The following TRAPPC9 variants were observed in gnomAD, a reference collection of about 807,000 sequenced individuals.
TRAPPC9 encodes the protein trafficking protein particle complex subunit 9, also known as IKK2 binding protein.
A neutral mutation model predicts 124.0 loss-of-function variants in TRAPPC9; 83 were observed. The observed-to-expected ratio is 0.67, with a 90% CI of 0.56 to 0.80. The LOEUF (loss-of-function observed/expected upper bound fraction) is 0.80. Ranked by LOEUF, TRAPPC9 falls within the 30% of genes least tolerant of loss-of-function variation. The pLI, the probability that TRAPPC9 is intolerant of heterozygous loss-of-function variation, is 0.00. For synonymous variants in TRAPPC9, 638 were observed against 617.5 expected (o/e 1.03, Z -0.49); for missense variants, 1,302 against 1,508.3 (o/e 0.86, Z 2.27).
At chr8:139,946,710 G>C (rs543727293) in intron 19 of TRAPPC9, among the ~76,000 whole-genome samples, 6 of 151,800 alleles carry the variant, frequency 4.0e-5, no homozygotes, top group Non-Finnish European at 7.4e-5. Context: ...GCCAAGAGCA[G>C]TGGCTCACGC....
rs1563764593 is a variant in TRAPPC9, at chr8:140,104,530, A to G, written c.2557-80451T>C. ...TGATGGCACGATGGGGGGAGCTGTGAACTAGCTAGGGAAACAGATGAAAGA... is the reference window on the plus strand; with the variant it reads ...TGATGGCACGATGGGGGGAGCTGTGGACTAGCTAGGGAAACAGATGAAAGA... On this transcript the variant is annotated intron_variant, in intron 17 of 22. Transcript: ENST00000438773. This position sits in a 1 kb window ranked among gnomAD's most constrained non-coding sequence, Gnocchi z 4.0. 6.6e-6 allele frequency among the ~76,000 whole-genome samples: 1 copy of G among 152,172 alleles called. No homozygotes were observed. The highest frequency in any genetic ancestry group is 1.5e-5 in the Non-Finnish European group (1 of 68,032).
chr8:140,090,400 G>A (rs562030577), intron 17 of TRAPPC9, among the ~76,000 whole-genome samples: 50 of 152,314 alleles, frequency 3.3e-4, no homozygotes, highest in Admixed American at 9.1e-4. Context: ...CAGCTCTTAC[G>A]ATGCCCCAGG....
intron 21 of TRAPPC9, among the ~76,000 whole-genome samples, chr8:139,809,052 GAT>G (rs1248563980): frequency 6.6e-6 from 1 of 152,188 alleles, no homozygotes; most frequent in African/African-American, 2.4e-5. Flanking sequence ...TTCCAACATG[GAT>G]TAACACCAGA....
intron 21 of TRAPPC9, among the ~76,000 whole-genome samples, chr8:139,743,336 G>A (rs764444902): frequency 2.6e-5 from 4 of 152,210 alleles, no homozygotes; most frequent in Non-Finnish European, 4.4e-5. Flanking sequence ...TTGCGCTGGC[G>A]AGAAACAGGG....
chr8:139,909,405 G>T (rs1831566288), intron 20 of TRAPPC9, among the ~76,000 whole-genome samples: 1 of 152,152 alleles, frequency 6.6e-6, no homozygotes, highest in African/African-American at 2.4e-5. Flanking sequence ...ACTCGGCAGG[G>T]TGCTCTGCCT....
At position 139,730,717 on chromosome 8, in the gene TRAPPC9, A is replaced by G; in HGVS notation, c.*344T>C. The G allele has an allele frequency of 2.9e-6, 1 of 344,314 alleles. No individual in the cohort carries two copies. The highest frequency in any genetic ancestry group is 2.1e-5 in the African/African-American group (1 of 48,164). 21.3% of individuals were successfully genotyped at this position (344,314 alleles called of 1,614,324 possible). On this transcript the variant is annotated 3_prime_UTR_variant, in exon 23 of 23. Transcript: ENST00000438773. ...CGAGGGAGGTCCCTCTGCTGGGATG[A>G]GCAGCACAGCACGGCTGGGGCCCCA... is the stretch of plus-strand genomic sequence containing the variant.
intron 2 of TRAPPC9, among the ~76,000 whole-genome samples, chr8:140,445,545 G>A (rs1224763102): frequency 6.6e-6 from 1 of 152,258 alleles, no homozygotes; most frequent in Admixed American, 6.5e-5. Context: ...GAGGGAGCCC[G>A]GGCCAGGCTG....
At chr8:139,917,354 C>G (rs1832219773) in intron 19 of TRAPPC9, among the ~76,000 whole-genome samples, 2 of 151,516 alleles carry the variant, frequency 1.3e-5, no homozygotes, top group African/African-American at 4.8e-5. Context: ...CTAATTTTTT[C>G]TATTTTTAGT....
At chr8:140,055,353 T>C (rs529649740) in intron 17 of TRAPPC9, among the ~76,000 whole-genome samples, 3 of 152,206 alleles carry the variant, frequency 2.0e-5, no homozygotes, top group African/African-American at 4.8e-5. Flanking sequence ...GAGCCAGGAA[T>C]GGGAAGAAAT....
chr8:140,436,591 G>C (rs2070822306), intron 3 of TRAPPC9, among the ~76,000 whole-genome samples: 3 of 152,166 alleles, frequency 2.0e-5, no homozygotes, highest in African/African-American at 7.2e-5. Flanking sequence ...CTGAGAGGCT[G>C]AGCATGGAAG....
intron 21 of TRAPPC9, among the ~76,000 whole-genome samples, chr8:139,814,630 A>C (rs1012656680): frequency 6.6e-5 from 10 of 152,158 alleles, no homozygotes; most frequent in African/African-American, 2.4e-4. Context: ...TTGTACAGCC[A>C]ATAAGTAGCA....
intron 17 of TRAPPC9, among the ~76,000 whole-genome samples, chr8:140,148,678 T>C (rs541079675): frequency 6.6e-6 from 1 of 152,328 alleles, no homozygotes; most frequent in East Asian, 1.9e-4. Flanking sequence ...TCCTTTCCGG[T>C]ATGCCTTCCA....
intron 21 of TRAPPC9, among the ~76,000 whole-genome samples, chr8:139,769,012 G>C (rs1333704584): frequency 1.3e-5 from 2 of 152,212 alleles, no homozygotes; most frequent in East Asian, 3.8e-4. Flanking sequence ...GAAGAAACCA[G>C]TGCTGCCGAC....
intron 19 of TRAPPC9, among the ~76,000 whole-genome samples, chr8:139,987,955 C>T (rs1025093687): frequency 1.1e-4 from 17 of 152,296 alleles, no homozygotes; most frequent in Admixed American, 3.9e-4. Flanking sequence ...ATTGGTAGTG[C>T]GGCCTCTCTT....
chr8:140,208,967 G>A (rs1453940280), intron 17 of TRAPPC9, among the ~76,000 whole-genome samples: 1 of 152,228 alleles, frequency 6.6e-6, no homozygotes, highest in Non-Finnish European at 1.5e-5. Flanking sequence ...GGATTTGGGT[G>A]TATGGAAGAT....
intron 2 of TRAPPC9, among the ~76,000 whole-genome samples, chr8:140,447,656 G>C (rs2071315538): frequency 6.6e-6 from 1 of 152,166 alleles, no homozygotes; most frequent in Non-Finnish European, 1.5e-5. Context: ...GGGAACTCCA[G>C]GTCCCGAAGG....
chr8:139,955,445 C>T (rs902237190), intron 19 of TRAPPC9, among the ~76,000 whole-genome samples: 14 of 151,898 alleles, frequency 9.2e-5, no homozygotes, highest in African/African-American at 2.9e-4. Context: ...TGGTTTCAAG[C>T]GCCCACGTTC....
At chr8:140,277,098 A>T (rs1289334259) in intron 14 of TRAPPC9, among the ~76,000 whole-genome samples, 1 of 152,214 alleles carries the variant, frequency 6.6e-6, no homozygotes, top group Non-Finnish European at 1.5e-5. Context: ...ACGCCGAAGC[A>T]CTTGGTGTCA....
intron 9 of TRAPPC9, among the ~76,000 whole-genome samples, chr8:140,359,535 C>T (rs1394569875): frequency 6.6e-6 from 1 of 152,136 alleles, no homozygotes; most frequent in Non-Finnish European, 1.5e-5. Context: ...CAAACCTCAT[C>T]TTTGGTTCTG....
Sources: allele counts gnomAD v4.1 joint callset (sites outside exome capture counted in the v4.1 genomes callset), GRCh38; gene constraint gnomAD v4.1.1; non-coding constraint Gnocchi (gnomAD v3.1); transcripts MANE v1.5; gene names NCBI Gene and HGNC (gene_info 2026-07-23, HGNC 2026-07-21).